Variants in ASTN1 observed in about 807,000 individuals in gnomAD.
ASTN1 encodes the protein astrotactin-1.
A neutral mutation model predicts 140.7 loss-of-function variants in ASTN1; 41 were observed. The observed-to-expected ratio is 0.29, with a 90% CI of 0.23 to 0.38. The LOEUF is 0.38. Among genes scored for constraint, ASTN1 ranks in the 10% least tolerant of loss-of-function variants. ASTN1 has a pLI of 1.00. For synonymous variants in ASTN1, 640 were observed against 652.2 expected (o/e 0.98, Z 0.29); for missense variants, 1,479 against 1,678.8 (o/e 0.88, Z 2.08).
At chr1:176,914,143 CGGGCAACAGAGAGGTTTATTACTT>C (rs1350769499) in intron 16 of ASTN1, among the ~76,000 whole-genome samples, 4 of 151,988 alleles carry the variant, frequency 2.6e-5, no homozygotes, top group Non-Finnish European at 5.9e-5. Flanking sequence ...ATGACAAAAC[CGGGCAACAGAGAGGTTTATTACTT>C]TGTCCAAGGT....
intron 2 of ASTN1, among the ~76,000 whole-genome samples, chr1:177,056,485 C>A (rs1443086912): frequency 6.6e-6 from 1 of 151,896 alleles, no homozygotes; most frequent in East Asian, 1.9e-4. Context: ...AGATTTTTTT[C>A]CCCACAACAG....
intron 1 of ASTN1, among the ~76,000 whole-genome samples, chr1:177,092,249 CTA>C (rs1300864988): frequency 6.6e-6 from 1 of 152,140 alleles, no homozygotes; most frequent in Non-Finnish European, 1.5e-5. Context: ...TTTCTAATGA[CTA>C]AGGATGTTGA....
intron 11 of ASTN1, 148 bp from the exon 12 acceptor site, chr1:176,949,499 C>A (rs763771570): frequency 6.4e-6 from 6 of 931,214 alleles, no homozygotes; most frequent in Non-Finnish European, 9.4e-6. Flanking sequence ...CCTACCACAG[C>A]AGACTTCTTT....
At chr1:177,114,555 A>G (rs1680986792) in intron 1 of ASTN1, among the ~76,000 whole-genome samples, 1 of 152,162 alleles carries the variant, frequency 6.6e-6, no homozygotes, top group African/African-American at 2.4e-5. Context: ...AAACATGGCA[A>G]AACAACAGCA....
intron 1 of ASTN1, among the ~76,000 whole-genome samples, chr1:177,076,296 G>A (rs868284753): frequency 8.2e-4 from 74 of 90,796 alleles, no homozygotes; most frequent in Non-Finnish European, 1.2e-3. Context: ...AAAAAAAAAA[G>A]AAAGAAAGAA....
chr1:176,871,676 C>T (rs1668350006), intron 21 of ASTN1, among the ~76,000 whole-genome samples: 1 of 152,124 alleles, frequency 6.6e-6, no homozygotes, highest in Non-Finnish European at 1.5e-5. Context: ...GCTCCAGGCT[C>T]CTAGAGCATG....
In ASTN1 at chr1:176,882,897, A is replaced by G. The variant is rs1668867991; in HGVS notation, c.3324T>C (p.Ser1108=). The change falls in exon 20 of 23, where the codon TCT becomes TCC. Residue 1108 remains serine (S), a synonymous_variant. Transcript: ENST00000361833. ...CAGGTTCCAGGCATCGTATGATCAG[A>G]GAGATGGTGGTGAGCTGCTTGTCCG... is the stretch of plus-strand genomic sequence containing the variant. ...QVPDKQLTTI[S]LIIRCLEPDT... 1 of 1,614,010 alleles carries G rather than the reference A, an allele frequency of 6.2e-7. No individual in the cohort carries two copies. The highest frequency in any genetic ancestry group is 1.7e-5 in the Admixed American group (1 of 60,002).
chr1:177,009,203 GT>G, intron 8 of ASTN1, among the ~76,000 whole-genome samples: 1 of 152,156 alleles, frequency 6.6e-6, no homozygotes, highest in Non-Finnish European at 1.5e-5. Flanking sequence ...TTCTTGCTCA[GT>G]TTTAGGTGGA....
chr1:176,947,011 TA>T (rs1671987432), intron 12 of ASTN1, among the ~76,000 whole-genome samples: 1 of 152,230 alleles, frequency 6.6e-6, no homozygotes, highest in South Asian at 2.1e-4. Context: ...CTCATGATAT[TA>T]AAGCACATCA....
chr1:177,049,683 T>C (rs998929147), intron 2 of ASTN1, among the ~76,000 whole-genome samples: 2 of 152,208 alleles, frequency 1.3e-5, no homozygotes, highest in African/African-American at 4.8e-5. Context: ...CAGCAAGCTT[T>C]CGTCACAAGT....
chr1:176,974,859 TG>T (rs1196717915), intron 8 of ASTN1, among the ~76,000 whole-genome samples: 1 of 152,204 alleles, frequency 6.6e-6, no homozygotes, highest in African/African-American at 2.4e-5. Flanking sequence ...TGTTCACACT[TG>T]AACTTTTTGT....
intron 20 of ASTN1, among the ~76,000 whole-genome samples, chr1:176,881,045 C>A (rs1380636302): frequency 6.6e-6 from 1 of 152,184 alleles, no homozygotes; most frequent in East Asian, 1.9e-4. Context: ...GCTTGCAGCC[C>A]ATGTATTCTT....
At chr1:177,039,666 C>T (rs1676882692) in intron 2 of ASTN1, among the ~76,000 whole-genome samples, 1 of 152,160 alleles carries the variant, frequency 6.6e-6, no homozygotes. Flanking sequence ...TAATTGTATG[C>T]AAATTGCAGA....
chr1:177,070,053 T>A (rs1258793559), intron 1 of ASTN1, among the ~76,000 whole-genome samples: 1 of 152,198 alleles, frequency 6.6e-6, no homozygotes, highest in Non-Finnish European at 1.5e-5. Context: ...ATATTTAAAC[T>A]CCATAATGTT....
chr1:176,979,077 G>C (rs1673490565), intron 8 of ASTN1, among the ~76,000 whole-genome samples: 1 of 152,184 alleles, frequency 6.6e-6, no homozygotes, highest in Admixed American at 6.5e-5. Context: ...AAAGTGCTCT[G>C]AAGAAGGGAA....
At chr1:177,108,347 C>CAAA (rs71129596) in intron 1 of ASTN1, among the ~76,000 whole-genome samples, 29 of 98,554 alleles carry the variant, frequency 2.9e-4, no homozygotes, top group African/African-American at 5.8e-4. Context: ...GACTCCGTCT[C>CAAA]AAAAAAAAAA....
chr1:177,067,110 G>A (rs1485857851), intron 1 of ASTN1, among the ~76,000 whole-genome samples: 2 of 151,892 alleles, frequency 1.3e-5, no homozygotes, highest in East Asian at 1.9e-4. Flanking sequence ...TGGTTTCTGA[G>A]GGGGGGTTCA....
chr1:177,145,505 C>T (rs565561068), intron 1 of ASTN1, among the ~76,000 whole-genome samples: 2 of 152,048 alleles, frequency 1.3e-5, no homozygotes, highest in Non-Finnish European at 2.9e-5. Flanking sequence ...CCCATATGGC[C>T]GAAGGGAATG....
chr1:177,046,664 T>C (rs1233569767), intron 2 of ASTN1, among the ~76,000 whole-genome samples: 2 of 152,180 alleles, frequency 1.3e-5, no homozygotes, highest in African/African-American at 4.8e-5. Flanking sequence ...AAAAATTATA[T>C]GTATACATGC....
Sources: allele counts gnomAD v4.1 joint callset (sites outside exome capture counted in the v4.1 genomes callset), GRCh38; gene constraint gnomAD v4.1.1; transcripts MANE v1.5; gene names NCBI Gene and HGNC (gene_info 2026-07-23, HGNC 2026-07-21).